LMO7: variants seen among roughly 807,000 people sequenced by gnomAD.
LMO7 encodes the protein LIM domain only protein 7.
A neutral mutation model predicts 206.5 loss-of-function variants in LMO7; 120 were observed. That is an observed-to-expected ratio of 0.58 (90% CI 0.50 to 0.68). The LOEUF (loss-of-function observed/expected upper bound fraction) is 0.68, where lower values mean the gene tolerates loss of function less well. LMO7 is among the 30% of genes least tolerant of loss of function. LMO7 has a pLI of 0.00. For missense variants in LMO7, 1,959 were observed against 1,957.9 expected (o/e 1.00, Z -0.01); for synonymous variants, 706 against 681.5 (o/e 1.04, Z -0.56).
chr13:75,850,387 A>C (rs962846847), intron 27 of LMO7, among the ~76,000 whole-genome samples: 1 of 152,230 alleles, frequency 6.6e-6, no homozygotes, highest in African/African-American at 2.4e-5. Context: ...TGTAGTTTCT[A>C]GCACTCTATC....
At position 75,819,509 on chromosome 13, in the gene LMO7, G is replaced by A; in HGVS notation, c.2181G>A (p.Lys727=). 1.2e-6 allele frequency: 2 copies of A among 1,604,476 alleles called. No individual in the cohort carries two copies. Among genetic ancestry groups the A allele is most frequent in the Non-Finnish European group, 1.7e-6 (2 of 1,177,650 alleles). Residue 727 remains lysine (K), a synonymous_variant, in exon 13 of 31, where the codon AAG becomes AAA. Coordinates refer to ENST00000377534, the MANE Select transcript of LMO7 (RefSeq NM_001306080.2). The part of the protein sequence containing the change: ...QALEKSKRSS[K]TFKEMLQDRE... The stretch of plus-strand genomic sequence containing the variant: ...TTGAGAAGTCTAAGAGAAGCTCTAA[G>A]ACGTTTAAGGAAATGCTGCAGGACA...
chr13:75,691,949 C>T (rs2041518184), intron 1 of LMO7, among the ~76,000 whole-genome samples: 1 of 152,158 alleles, frequency 6.6e-6, no homozygotes. Context: ...ACCTCCATTT[C>T]TACTCCAACC....
chr13:75,739,026 C>A (rs1326600151), intron 3 of LMO7, among the ~76,000 whole-genome samples: 2 of 152,206 alleles, frequency 1.3e-5, no homozygotes, highest in Non-Finnish European at 2.9e-5. Flanking sequence ...CCTCTACTCA[C>A]TAGATGCCAT....
chr13:75,677,912 G>T (rs531370044), intron 1 of LMO7, among the ~76,000 whole-genome samples: 29 of 150,866 alleles, frequency 1.9e-4, no homozygotes, highest in Middle Eastern at 3.4e-3. Flanking sequence ...TTGTCCTTGC[G>T]ATAGTTTGCT....
At chr13:75,705,612 G>A (rs2042594992) in intron 1 of LMO7, among the ~76,000 whole-genome samples, 1 of 152,208 alleles carries the variant, frequency 6.6e-6, no homozygotes, top group East Asian at 1.9e-4. Context: ...AATCACAACA[G>A]CATTACGTGA....
chr13:75,624,752 G>A (rs180749610), intron 2 of LMO7, among the ~76,000 whole-genome samples: 201 of 152,234 alleles, frequency 1.3e-3, no homozygotes, highest in African/African-American at 4.6e-3. Flanking sequence ...TTACTATCAC[G>A]GGAACAGCAC....
chr13:75,671,171 C>T (rs547691216), intron 1 of LMO7, among the ~76,000 whole-genome samples: 1 of 151,724 alleles, frequency 6.6e-6, no homozygotes, highest in Non-Finnish European at 1.5e-5. Flanking sequence ...TCTGGAATAC[C>T]TCCTGAGGGA....
chr13:75,641,094 A>C (rs114918819), intron 1 of LMO7, among the ~76,000 whole-genome samples: 2,030 of 152,292 alleles, frequency 0.013, 34 homozygotes, highest in African/African-American at 0.047. Flanking sequence ...GGCAGCCTCC[A>C]TGAAAAGCAG....
At chr13:75,833,283 A>G in intron 16 of LMO7, 118 bp downstream of exon 16, 2 of 661,240 alleles carry the variant, frequency 3.0e-6, no homozygotes, top group East Asian at 5.4e-5. Flanking sequence ...GAAAAATGCA[A>G]CCATAAGGCC....
chr13:75,814,372 A>G lies in LMO7; in HGVS notation c.1947-2789A>G, dbSNP rs537936135. Among the ~76,000 whole-genome samples the G allele has an allele frequency of 4.7e-4, 71 of 152,306 alleles. No individual in the cohort carries two copies. In the South Asian group the frequency reaches 0.014, roughly 30 times the overall value. On this transcript the variant is annotated intron_variant, in intron 11 of 30. Coordinates refer to ENST00000377534, the MANE Select transcript of LMO7 (RefSeq NM_001306080.2). ...CAACACGTGACTTGTGAGGAAGAGA[A>G]TCCAAACATGCACATGCACACACAG...
rs1316376279 is a variant in LMO7, at chr13:75,859,604, A to G, written c.*1661A>G. On this transcript the variant is annotated 3_prime_UTR_variant, in exon 31 of 31. Transcript: ENST00000377534. ...TATGTAAATTCTGTGATACTCTATG[A>G]TCATCTCTTTCTTTATATTATTTTC... is the stretch of plus-strand genomic sequence containing the variant. 6.6e-6 allele frequency: 1 copy of G among 152,180 alleles called. No individual in the cohort carries two copies. Among genetic ancestry groups the G allele is most frequent in the Non-Finnish European group, 1.5e-5 (1 of 68,036 alleles). The allele number at this position is 152,180 out of a possible 1,614,324, so 9.4% of individuals were successfully genotyped here.
rs183825021 is a variant in LMO7 at position 75,661,979 on chromosome 13, T to C, written c.69+25253T>C. Among the ~76,000 whole-genome samples, 360 of 152,326 alleles carry C rather than the reference T, an allele frequency of 2.4e-3. 1 individual carries two copies. Among genetic ancestry groups the C allele is most frequent in the Middle Eastern group, 3.4e-3 (1 of 294 alleles). ...GAATTTATAACCAGATTCTTATTTA[T>C]TTGCCATTTTTAATTTTGTTTATAA... On this transcript the variant is annotated intron_variant, in intron 1 of 30. Coordinates refer to ENST00000377534, the MANE Select transcript of LMO7 (RefSeq NM_001306080.2).
rs978428378 is a variant in LMO7, at chr13:75,838,149, C to G, written c.3404C>G (p.Ser1135Cys). The G allele has an allele frequency of 6.3e-7, 1 of 1,584,020 alleles. No homozygotes were observed. The highest frequency in any genetic ancestry group is 1.7e-5 in the Admixed American group (1 of 59,840). Residue 1135 changes from serine to cysteine, a missense_variant, in exon 20 of 31, where the codon TCC becomes TGC. Transcript: ENST00000377534. The part of the protein sequence containing the change: ...SNAFESKASE[S>C]ISLKNLKRRS... The stretch of plus-strand genomic sequence containing the variant: ...TTTTTTTTTCAACTAGCATCTGAAT[C>G]CATTTCTTTGAAAAACTTAAAAAGG...
In LMO7 at chr13:75,849,230, G is replaced by T; in HGVS notation, c.4302G>T (p.Trp1434Cys). Residue 1434 changes from tryptophan (W) to cysteine (C), a missense_variant, in exon 27 of 31, where the codon TGG (tryptophan) becomes TGT (cysteine). By Grantham distance (215) the Trp-to-Cys change is radical (BLOSUM62 -2). Transcript: ENST00000377534. The stretch of plus-strand genomic sequence containing the variant: ...CACCCCTTCACAATGACAACAGCTG[G>T]ATCCGACAGCGCAGTGCCAGTGTCA... ...KRTPLHNDNS[W>C]IRQRSASVNK... The T allele has an allele frequency of 1.2e-6, 2 of 1,614,134 alleles. No homozygotes were observed. The highest frequency in any genetic ancestry group is 1.7e-6 in the Non-Finnish European group (2 of 1,180,002).
At chr13:75,701,608 A>G (rs1363177177) in intron 1 of LMO7, among the ~76,000 whole-genome samples, 1 of 152,212 alleles carries the variant, frequency 6.6e-6, no homozygotes, top group African/African-American at 2.4e-5. Flanking sequence ...GTTCACATCT[A>G]CTTGTGCCTT....
At chr13:75,727,593 C>T (rs1177950964) in intron 3 of LMO7, among the ~76,000 whole-genome samples, 1 of 151,776 alleles carries the variant, frequency 6.6e-6, no homozygotes, top group Non-Finnish European at 1.5e-5. Flanking sequence ...TAAATGGTAG[C>T]ACATGTATTG....
intron 2 of LMO7, among the ~76,000 whole-genome samples, chr13:75,721,614 T>G (rs1466811665): frequency 6.6e-6 from 1 of 152,162 alleles, no homozygotes; most frequent in Non-Finnish European, 1.5e-5. Context: ...TGATCTCCCA[T>G]TCTGTCCAGG....
chr13:75,830,195 G>A (rs2058525232), intron 15 of LMO7, among the ~76,000 whole-genome samples: 1 of 152,156 alleles, frequency 6.6e-6, no homozygotes, highest in African/African-American at 2.4e-5. Flanking sequence ...ATACTTGAAT[G>A]TAATTATAGA....
intron 19 of LMO7, 86 bp downstream of exon 19, chr13:75,836,543 G>T: frequency 1.4e-6 from 1 of 725,196 alleles, no homozygotes; most frequent in South Asian, 1.9e-5. Context: ...TAATATCTGT[G>T]AGTGAAAGAA....
Sources: gnomAD v4.1 joint callset for allele counts (sites outside exome capture counted in the v4.1 genomes callset) on GRCh38, gnomAD v4.1.1 for gene constraint, MANE v1.5 for transcripts, NCBI Gene and HGNC (gene_info 2026-07-23, HGNC 2026-07-21) for gene names.